GYS2: variants seen among roughly 807,000 people sequenced by gnomAD.
GYS2 encodes the protein glycogen synthase 2, also known as glycogen [starch] synthase, liver.
Under a neutral mutation model 85.6 loss-of-function variants are expected in GYS2, and 80 were observed. The observed-to-expected ratio is 0.93, with a 90% CI of 0.78 to 1.13. GYS2 has a LOEUF of 1.13. Among genes scored for constraint, GYS2 ranks in the 50% most tolerant of loss-of-function variants. GYS2 has a pLI of 0.00. For missense variants in GYS2, 881 were observed against 854.9 expected, an observed-to-expected ratio of 1.03 and a Z score of -0.38; for synonymous variants, 328 against 300.7, an observed-to-expected ratio of 1.09 and a Z score of -0.94.
intron 7 of GYS2, among the ~76,000 whole-genome samples, chr12:21,561,470 G>A (rs925160479): frequency 3.3e-5 from 5 of 151,386 alleles, no homozygotes; most frequent in Admixed American, 6.6e-5. Flanking sequence ...CATACAATAG[G>A]AAACTCACCC....
intron 5 of GYS2, among the ~76,000 whole-genome samples, chr12:21,567,065 T>C (rs1944329528): frequency 6.6e-6 from 1 of 152,138 alleles, no homozygotes; most frequent in African/African-American, 2.4e-5. Flanking sequence ...TTCACCGCCT[T>C]TAAATGCTAG....
intron 11 of GYS2, among the ~76,000 whole-genome samples, chr12:21,551,620 A>G (rs1871142): frequency 0.71 from 108,258 of 152,002 alleles, 39,377 homozygotes; most frequent in South Asian, 0.79. Context: ...TCCATAAGTA[A>G]GAGATAAGTT....
intron 5 of GYS2, among the ~76,000 whole-genome samples, chr12:21,565,593 A>G (rs992521589): frequency 6.7e-6 from 1 of 150,294 alleles, no homozygotes; most frequent in Non-Finnish European, 1.5e-5. Context: ...TAAATTAGTT[A>G]AATTAATTTG....
At chr12:21,540,607 G>C in intron 13 of GYS2, 34 bp from the exon 14 acceptor site, 1 of 1,586,324 alleles carries the variant, frequency 6.3e-7, no homozygotes, top group Non-Finnish European at 8.7e-7. Context: ...ACAAGTAAAA[G>C]TAGGACTAAC....
intron 5 of GYS2, among the ~76,000 whole-genome samples, chr12:21,567,061 G>T (rs976325045): frequency 6.6e-6 from 1 of 152,110 alleles, no homozygotes; most frequent in South Asian, 2.1e-4. Flanking sequence ...GATGTTCACC[G>T]CCTTTAAATG....
intron 4 of GYS2, among the ~76,000 whole-genome samples, chr12:21,569,848 C>G (rs940507999): frequency 6.6e-6 from 1 of 152,194 alleles, no homozygotes; most frequent in Non-Finnish European, 1.5e-5. Flanking sequence ...TTCTTATAAA[C>G]TACTGAGACA....
rs1943915235 is a variant in GYS2 at position 21,536,810 on chromosome 12, C to A, written c.*144G>T. The A allele has an allele frequency of 3.0e-6, 2 of 661,664 alleles. No individual in the cohort carries two copies. The highest frequency in any genetic ancestry group is 5.3e-6 in the Non-Finnish European group (2 of 375,808). 41.0% of individuals were successfully genotyped at this position (661,664 alleles called of 1,614,324 possible). A position where few individuals can be genotyped will look rare whatever the true frequency, so the allele number is the denominator to read the frequency against. On this transcript the variant is annotated 3_prime_UTR_variant, in exon 16 of 16. Coordinates refer to ENST00000261195, the MANE Select transcript of GYS2 (RefSeq NM_021957.4). ...TCCTAAATTACAAAATTGTCATTCA[C>A]TCAATTTCTTCCACTTTTTAGGCAG...
chr12:21,541,160 C>T (rs1047447424), intron 13 of GYS2, among the ~76,000 whole-genome samples: 2 of 144,492 alleles, frequency 1.4e-5, no homozygotes, highest in African/African-American at 5.2e-5. Context: ...CCCAGCTACT[C>T]GGGAGGTTGG....
intron 10 of GYS2, 131 bp from the exon 11 acceptor site, chr12:21,558,444 TGAC>T: frequency 1.5e-6 from 1 of 684,376 alleles, no homozygotes; most frequent in Non-Finnish European, 2.7e-6. Context: ...CTAATGATGA[TGAC>T]TAAGTCTTGT....
chr12:21,534,350 A>T (rs993542802), downstream of GYS2, among the ~76,000 whole-genome samples: 4 of 152,010 alleles, frequency 2.6e-5, no homozygotes, highest in African/African-American at 9.7e-5. Context: ...TGTCTCTACT[A>T]AAAAGAAAAT....
rs139428184 is a variant in GYS2 at position 21,593,441 on chromosome 12, A to G, written c.121+11031T>C. The stretch of plus-strand genomic sequence containing the variant: ...GAAATAAAAAAGAAAATATATTACA[A>G]CCGATACCACAGAAATAGAAAAGAT... On this transcript the variant is annotated intron_variant, in intron 1 of 15. Transcript: ENST00000261195. Among the ~76,000 whole-genome samples the G allele has an allele frequency of 2.7e-3, 414 of 151,970 alleles. 2 individuals carry two copies. The highest frequency in any genetic ancestry group is 9.6e-3 in the African/African-American group (398 of 41,556).
At chr12:21,590,145 T>C (rs567528413) in intron 1 of GYS2, among the ~76,000 whole-genome samples, 6 of 152,224 alleles carry the variant, frequency 3.9e-5, no homozygotes, top group Non-Finnish European at 4.4e-5. Flanking sequence ...CTGCTGCCAC[T>C]GAAAGCAACA....
chr12:21,538,149 C>T (rs1401628879), intron 15 of GYS2, among the ~76,000 whole-genome samples: 1 of 152,072 alleles, frequency 6.6e-6, no homozygotes, highest in African/African-American at 2.4e-5. Context: ...GTGGAATGAC[C>T]ACCTCTGAAT....
At position 21,563,299 on chromosome 12, in the gene GYS2, C is replaced by A. The variant is rs762852738; in HGVS notation, c.870G>T (p.Val290=). ...NGLNVKKFSA[V]HEFQNLHAMY... ...TGGCATGTAGATTTTGAAACTCATG[C>A]ACTGCTGAAAATTTCTTAACATTCA... The change falls in exon 6 of 16, where the codon GTG becomes GTT. Residue 290 remains valine, a synonymous_variant. Transcript: ENST00000261195. 6.2e-7 allele frequency: 1 copy of A among 1,612,212 alleles called. No individual in the cohort carries two copies. The highest frequency in any genetic ancestry group is 8.5e-7 in the Non-Finnish European group (1 of 1,178,358).
intron 15 of GYS2, among the ~76,000 whole-genome samples, chr12:21,538,806 A>G (rs1339171332): frequency 6.6e-6 from 1 of 152,228 alleles, no homozygotes; most frequent in East Asian, 1.9e-4. Context: ...GTTGGATTTT[A>G]GAAGAAGACA....
At position 21,599,727 on chromosome 12, in the gene GYS2, G is replaced by A. The variant is rs77502321; in HGVS notation, c.121+4745C>T. Among the ~76,000 whole-genome samples the A allele has an allele frequency of 2.2e-4, 34 of 152,242 alleles. 1 individual carries two copies. The East Asian group carries it at 6.4e-3, about 29-fold the overall frequency. On this transcript the variant is annotated intron_variant, in intron 1 of 15. Transcript: ENST00000261195. ...ATCCCGTGATTGAAGTAACATTGAT[G>A]TATACATATTTTTTCCTATTATTTC...
chr12:21,545,873 A>G (rs553723560), intron 12 of GYS2, among the ~76,000 whole-genome samples: 6 of 152,316 alleles, frequency 3.9e-5, no homozygotes, highest in African/African-American at 1.4e-4. Context: ...TTCCCTAACC[A>G]TATGACTGTG....
chr12:21,577,204 C>T (rs370065493), intron 2 of GYS2, among the ~76,000 whole-genome samples: 7 of 152,250 alleles, frequency 4.6e-5, no homozygotes, highest in East Asian at 1.9e-4. Context: ...TTTTCCTGAG[C>T]CCCAAACCAC....
chr12:21,570,554 G>A lies in GYS2; in HGVS notation c.679-1545C>T, dbSNP rs1027391863. On this transcript the variant is annotated intron_variant, in intron 4 of 15. Transcript: ENST00000261195. ...CTTTCTATCTCCAAATTGGTTGGATGAATAAAATGGCATTTGGACCAGGAT... is the reference window on the plus strand; with the variant it reads ...CTTTCTATCTCCAAATTGGTTGGATAAATAAAATGGCATTTGGACCAGGAT... Among the ~76,000 whole-genome samples the A allele has an allele frequency of 2.0e-5, 3 of 152,226 alleles. No individual in the cohort carries two copies. In the East Asian group the frequency reaches 5.8e-4, roughly 29 times the overall value.
Sources: allele counts gnomAD v4.1 joint callset (sites outside exome capture counted in the v4.1 genomes callset), GRCh38; gene constraint gnomAD v4.1.1; transcripts MANE v1.5; gene names NCBI Gene and HGNC (gene_info 2026-07-23, HGNC 2026-07-21).